ITSN2: variants seen among roughly 807,000 people sequenced by gnomAD.
ITSN2 encodes the protein intersectin 2, also known as intersectin-2.
A neutral mutation model predicts 243.7 loss-of-function variants in ITSN2; 156 were observed. The ratio of observed to expected loss-of-function variants is 0.64; its 90% confidence interval spans 0.56 to 0.73. The LOEUF is 0.73. Ranked by LOEUF, ITSN2 falls within the 30% of genes least tolerant of loss-of-function variation. The probability of loss-of-function intolerance (pLI) is 0.00; values close to 1 mark genes in which losing one functional copy is unlikely to be tolerated. For synonymous variants in ITSN2, 703 were observed against 699.9 expected, an observed-to-expected ratio of 1.00 and a Z score of -0.07; for missense variants, 1,801 against 1,996.1, an observed-to-expected ratio of 0.90 and a Z score of 1.86.
chr2:24,253,642 C>T (rs1674643077), intron 24 of ITSN2, among the ~76,000 whole-genome samples: 1 of 152,218 alleles, frequency 6.6e-6, no homozygotes, highest in African/African-American at 2.4e-5. Context: ...CAACTGTATG[C>T]TCCATTCTAT....
At position 24,261,191 on chromosome 2, in the gene ITSN2, T is replaced by C; in HGVS notation, c.2597A>G (p.Asn866Ser). 6.2e-7 allele frequency: 1 copy of C among 1,613,290 alleles called. No homozygotes were observed. Residue 866 changes from asparagine (N) to serine (S), a missense_variant, in exon 22 of 40, where the codon AAC becomes AGC. Asn to Ser is a conservative substitution (Grantham distance 46). Around this residue, in one of 5 missense-constraint regions of ITSN2, gnomAD observed 928 missense variants for 1,065.4 expected, o/e 0.87. Transcript: ENST00000355123. ...VTDYQNVSFSNLTVNTSWQKK... is the reference protein window; with the variant it reads ...VTDYQNVSFSSLTVNTSWQKK... The stretch of plus-strand genomic sequence containing the variant: ...CTGCCATGATGTATTTACAGTTAGG[T>C]TTGAAAAAGATACATTTTGATAATC...
Position 24,209,163 on chromosome 2 carries a change from G to C in ITSN2, c.4532C>G (p.Pro1511Arg). The C allele has an allele frequency of 6.2e-7, 1 of 1,614,130 alleles. No homozygotes were observed. The highest frequency in any genetic ancestry group is 8.5e-7 in the Non-Finnish European group (1 of 1,179,966). Residue 1511 changes from proline (P) to arginine (R), a missense_variant, in exon 36 of 40, where the codon CCT becomes CGT. Coordinates refer to ENST00000355123, the MANE Select transcript of ITSN2 (RefSeq NM_006277.3). Reference protein sequence around the residue: ...KLPTDPSSDEPVFHISHIDRV... With the variant: ...KLPTDPSSDERVFHISHIDRV... ...ATCAATGTGGGAAATGTGGAAGACA[G>C]GCTCATCGCTGGAAGGGTCTGTGGG...
intron 37 of ITSN2, among the ~76,000 whole-genome samples, chr2:24,205,986 A>T (rs947799931): frequency 1.6e-4 from 24 of 152,216 alleles, no homozygotes; most frequent in African/African-American, 5.5e-4. Context: ...ACCAAAGTCC[A>T]GGCTCAGTTA....
At position 24,330,692 on chromosome 2, in the gene ITSN2, T is replaced by C. The variant is rs1574337075; in HGVS notation, c.-33-2577A>G. 6 of 700,836 alleles carry C rather than the reference T, an allele frequency of 8.6e-6. No homozygotes were observed. In the East Asian group the frequency reaches 1.7e-4, roughly 19 times the overall value. 43.4% of individuals were successfully genotyped at this position (700,836 alleles called of 1,614,324 possible). On this transcript the variant is annotated intron_variant, in intron 1 of 39. Coordinates refer to ENST00000355123, the MANE Select transcript of ITSN2 (RefSeq NM_006277.3). ...CCAAGTGAAGTGTGTGTATTTTTTA[T>C]AACTGTGTACTTCTGGTGACAGTAG...
chr2:24,268,328 A>G (rs1222654260), intron 20 of ITSN2, among the ~76,000 whole-genome samples: 3 of 152,170 alleles, frequency 2.0e-5, no homozygotes, highest in African/African-American at 7.2e-5. Flanking sequence ...TTCATCTTCT[A>G]CTTCAGCAAA....
chr2:24,295,758 A>G lies in ITSN2; in HGVS notation c.1541T>C (p.Leu514Pro). ...QISGRLQDVRLKKQTQKTELE... is the reference protein window; with the variant it reads ...QISGRLQDVRPKKQTQKTELE... ...CTCAGTCTTTTGAGTTTGCTTTTTGAGTCGGACATCCTGAAGTCTGCCTGA... is the reference window on the plus strand; with the variant it reads ...CTCAGTCTTTTGAGTTTGCTTTTTGGGTCGGACATCCTGAAGTCTGCCTGA... Residue 514 changes from leucine to proline, a missense_variant, in exon 14 of 40, where the codon CTC (leucine) becomes CCC (proline). Physicochemically the swap from Leu to Pro is moderately conservative, Grantham distance 98. Around this residue, in one of 5 missense-constraint regions of ITSN2, gnomAD observed 787 missense variants for 803.9 expected, o/e 0.98. Coordinates refer to ENST00000355123, the MANE Select transcript of ITSN2 (RefSeq NM_006277.3). The G allele has an allele frequency of 6.4e-7, 1 of 1,566,974 alleles. No homozygotes were observed. Among genetic ancestry groups the G allele is most frequent in the Non-Finnish European group, 8.6e-7 (1 of 1,162,010 alleles).
intron 1 of ITSN2, among the ~76,000 whole-genome samples, chr2:24,347,615 G>T (rs1482044076): frequency 1.3e-5 from 2 of 152,146 alleles, no homozygotes; most frequent in African/African-American, 4.8e-5. Flanking sequence ...GAACCCAGAA[G>T]GCGTAGGTTG....
intron 18 of ITSN2, among the ~76,000 whole-genome samples, chr2:24,272,393 A>C (rs1195921179): frequency 6.6e-6 from 1 of 151,670 alleles, no homozygotes; most frequent in African/African-American, 2.4e-5. Context: ...GTTGCTGTGG[A>C]AATAGGAAAT....
At chr2:24,207,520 T>A (rs868295711) in intron 37 of ITSN2, among the ~76,000 whole-genome samples, 2 of 151,832 alleles carry the variant, frequency 1.3e-5, no homozygotes, top group South Asian at 4.2e-4. Context: ...AGCCTGACCC[T>A]GAAGCTGGGG....
intron 20 of ITSN2, among the ~76,000 whole-genome samples, chr2:24,270,033 A>G (rs139370995): frequency 3.2e-4 from 49 of 152,300 alleles, no homozygotes; most frequent in Admixed American, 7.8e-4. Context: ...TTTGCCACCT[A>G]ACTGATAAAT....
intron 1 of ITSN2, among the ~76,000 whole-genome samples, chr2:24,336,814 T>C (rs185667173): frequency 3.3e-5 from 5 of 152,314 alleles, no homozygotes; most frequent in Non-Finnish European, 7.3e-5. Flanking sequence ...TTTACCTCCA[T>C]ATGCCTGGTT....
At chr2:24,289,330 G>T (rs953493054) in intron 15 of ITSN2, among the ~76,000 whole-genome samples, 2 of 151,742 alleles carry the variant, frequency 1.3e-5, no homozygotes, top group African/African-American at 4.8e-5. Context: ...CCCCTCCTTG[G>T]TCAAATTTAT....
intron 13 of ITSN2, among the ~76,000 whole-genome samples, chr2:24,297,641 G>C (rs1409727609): frequency 6.6e-6 from 1 of 152,146 alleles, no homozygotes; most frequent in African/African-American, 2.4e-5. Flanking sequence ...GGAAGAATTA[G>C]GGAGAGAAAA....
intron 2 of ITSN2, 71 bp from the exon 3 acceptor site, chr2:24,315,295 A>G: frequency 1.2e-6 from 1 of 827,982 alleles, no homozygotes. Flanking sequence ...AAATGTAAAT[A>G]GAAATCACAA....
chr2:24,351,618 C>T (rs932946322), intron 1 of ITSN2, among the ~76,000 whole-genome samples: 8 of 152,134 alleles, frequency 5.3e-5, no homozygotes, highest in South Asian at 2.1e-4. Flanking sequence ...CAGAAATAAA[C>T]AATTCATAAA....
At chr2:24,320,758 A>G (rs907495333) in intron 2 of ITSN2, among the ~76,000 whole-genome samples, 1 of 151,472 alleles carries the variant, frequency 6.6e-6, no homozygotes, top group African/African-American at 2.4e-5. Context: ...AAACAAAAAA[A>G]CATTGTTTTT....
chr2:24,209,196 A>C lies in ITSN2; in HGVS notation c.4499T>G (p.Val1500Gly), dbSNP rs1302190572. 1 of 1,614,136 alleles carries C rather than the reference A, an allele frequency of 6.2e-7. No individual in the cohort carries two copies. The highest frequency in any genetic ancestry group is 8.5e-7 in the Non-Finnish European group (1 of 1,179,998). Residue 1500 changes from valine (V) to glycine (G), a missense_variant, in exon 36 of 40, where the codon GTG becomes GGG. By Grantham distance (109) the Val-to-Gly change is moderately radical (BLOSUM62 -3). Coordinates refer to ENST00000355123, the MANE Select transcript of ITSN2 (RefSeq NM_006277.3). The part of the protein sequence containing the change: ...KTPIFLNEVL[V>G]KLPTDPSSDE... ...GCTGGAAGGGTCTGTGGGCAGTTTC[A>C]CCAAGACTTCATTCAGGAAAATGGG...
At chr2:24,357,204 T>C (rs957930460) in intron 1 of ITSN2, among the ~76,000 whole-genome samples, 4 of 152,108 alleles carry the variant, frequency 2.6e-5, no homozygotes, top group African/African-American at 7.2e-5. Flanking sequence ...CTATTTACAA[T>C]AGCAAAGACA....
rs139135204 is a variant in ITSN2 at position 24,281,010 on chromosome 2, A to C, written c.1944+3753T>G. ...TTCGAACTTTTCTTATACCTGGTAC[A>C]TCTATATCAATAGGGTTTGTTTGTT... On this transcript the variant is annotated intron_variant, in intron 17 of 39. Transcript: ENST00000355123. Among the ~76,000 whole-genome samples, 4 of 152,278 alleles carry C rather than the reference A, an allele frequency of 2.6e-5. No homozygotes were observed. The East Asian group carries it at 5.8e-4, about 22-fold the overall frequency.
Sources: gnomAD v4.1 joint callset for allele counts (sites outside exome capture counted in the v4.1 genomes callset) on GRCh38, gnomAD v4.1.1 for gene constraint, gnomAD v4.1.1 regional missense constraint, MANE v1.5 for transcripts, NCBI Gene and HGNC (gene_info 2026-07-23, HGNC 2026-07-21) for gene names.